Variants in SEZ6L observed in about 807,000 individuals in gnomAD.
SEZ6L encodes the protein seizure related 6 homolog like.
A neutral mutation model predicts 106.2 loss-of-function variants in SEZ6L; 37 were observed. The ratio of observed to expected loss-of-function variants is 0.35; its 90% CI spans 0.27 to 0.46. SEZ6L has a LOEUF of 0.46. Ranked by LOEUF, SEZ6L falls within the 20% of genes least tolerant of loss-of-function variation. SEZ6L has a pLI of 1.00. For synonymous variants in SEZ6L, 541 were observed against 570.4 expected (o/e 0.95, Z 0.73); for missense variants, 1,172 against 1,332.8 (o/e 0.88, Z 1.88).
chr22:26,345,435 G>A (rs1453537736), intron 10 of SEZ6L, among the ~76,000 whole-genome samples: 4 of 152,010 alleles, frequency 2.6e-5, no homozygotes, highest in South Asian at 2.1e-4. Flanking sequence ...ACCTTTCTCC[G>A]TCTCAAAGCA....
intron 13 of SEZ6L, among the ~76,000 whole-genome samples, chr22:26,368,425 A>G (rs916728379): frequency 7.2e-5 from 11 of 152,252 alleles, no homozygotes; most frequent in Non-Finnish European, 1.6e-4. Flanking sequence ...CATTAAAAGG[A>G]ACGAAATACT....
intron 9 of SEZ6L, among the ~76,000 whole-genome samples, chr22:26,329,389 AC>A (rs1202505826): frequency 6.6e-6 from 1 of 151,986 alleles, no homozygotes; most frequent in African/African-American, 2.4e-5. Flanking sequence ...AATAGCTTGA[AC>A]CCAGGAGGCG....
chr22:26,236,292 G>C (rs1202849871), intron 1 of SEZ6L, among the ~76,000 whole-genome samples: 1 of 152,222 alleles, frequency 6.6e-6, no homozygotes, highest in East Asian at 1.9e-4. Context: ...TCCTGGAGCT[G>C]AACAGAGGGG....
chr22:26,182,851 T>G (rs1415845906), intron 1 of SEZ6L, among the ~76,000 whole-genome samples: 8 of 151,922 alleles, frequency 5.3e-5, no homozygotes, highest in Non-Finnish European at 1.2e-4. Context: ...ATAATCAAAT[T>G]TTATCTCAGA....
Position 26,347,750 on chromosome 22 carries a change from A to T in SEZ6L, c.2244A>T (p.Leu748Phe). Reference protein sequence around the residue: ...EVSRNDSCSDLPEIQNGWKTT... With the variant: ...EVSRNDSCSDFPEIQNGWKTT... ...CAAGGAATGACTCCTGCTCGGATTT[A>T]CCCGAGATCCAGAATGGCTGGAAAA... The change falls in exon 11 of 17, where the codon TTA (leucine) becomes TTT (phenylalanine). Residue 748 changes from leucine (L) to phenylalanine (F), a missense_variant. Coordinates refer to ENST00000248933, the MANE Select transcript of SEZ6L (RefSeq NM_021115.5). The T allele has an allele frequency of 6.2e-7, 1 of 1,609,812 alleles. No homozygotes were observed. Among genetic ancestry groups the T allele is most frequent in the Non-Finnish European group, 8.5e-7 (1 of 1,178,496 alleles).
chr22:26,288,994 C>G (rs1213760696), intron 1 of SEZ6L, among the ~76,000 whole-genome samples: 1 of 152,210 alleles, frequency 6.6e-6, no homozygotes, highest in Non-Finnish European at 1.5e-5. Context: ...ACAAATGGCT[C>G]TAAGAATAAT....
intron 1 of SEZ6L, among the ~76,000 whole-genome samples, chr22:26,183,125 C>T (rs546132996): frequency 6.6e-6 from 1 of 152,308 alleles, no homozygotes; most frequent in Admixed American, 6.5e-5. Context: ...TTAGCAGAAC[C>T]TTCAAAGGTG....
intron 13 of SEZ6L, among the ~76,000 whole-genome samples, chr22:26,366,482 C>T (rs546734266): frequency 1.3e-5 from 2 of 151,840 alleles, no homozygotes; most frequent in Admixed American, 6.6e-5. Flanking sequence ...TTGCTTGAGC[C>T]GGGGAGTTTG....
chr22:26,343,136 T>C (rs1444633112), intron 10 of SEZ6L, among the ~76,000 whole-genome samples: 1 of 152,128 alleles, frequency 6.6e-6, no homozygotes, highest in African/African-American at 2.4e-5. Context: ...GGATAACTCA[T>C]GTTGGCTGTC....
intron 1 of SEZ6L, among the ~76,000 whole-genome samples, chr22:26,276,221 G>C (rs543794793): frequency 6.6e-6 from 1 of 152,286 alleles, no homozygotes; most frequent in East Asian, 1.9e-4. Context: ...CCCAACCCTT[G>C]CTTTACCCCA....
chr22:26,347,893 A>G lies in SEZ6L; in HGVS notation c.2387A>G (p.Asp796Gly). ...CAGTGGGACCTCAGCTGGAGCAGCG[A>G]CCCCCCATTTTGTGAGAAAAGTAAG... ...TCQWDLSWSS[D>G]PPFCEKIMYC... The change falls in exon 11 of 17, where the codon GAC (aspartate) becomes GGC (glycine). Residue 796 changes from aspartate to glycine, a missense_variant. Asp to Gly is a moderately conservative substitution (Grantham distance 94). This residue lies in a region of SEZ6L where 534 missense variants were observed against 691.0 expected (regional missense o/e 0.77). Transcript: ENST00000248933. 1 of 1,566,220 alleles carries G rather than the reference A, an allele frequency of 6.4e-7. No individual in the cohort carries two copies. Among genetic ancestry groups the G allele is most frequent in the Non-Finnish European group, 8.6e-7 (1 of 1,163,084 alleles).
intron 5 of SEZ6L, among the ~76,000 whole-genome samples, chr22:26,300,680 T>C (rs1255087101): frequency 6.6e-6 from 1 of 152,204 alleles, no homozygotes; most frequent in Non-Finnish European, 1.5e-5. Flanking sequence ...AGTAATGGGA[T>C]TGCTGGGTCA....
At chr22:26,327,738 C>T (rs1336152747) in intron 9 of SEZ6L, among the ~76,000 whole-genome samples, 1 of 152,168 alleles carries the variant, frequency 6.6e-6, no homozygotes, top group Non-Finnish European at 1.5e-5. Context: ...CACAAACACA[C>T]ATACTGCCAC....
At chr22:26,255,894 T>C (rs1353187611) in intron 1 of SEZ6L, among the ~76,000 whole-genome samples, 1 of 152,186 alleles carries the variant, frequency 6.6e-6, no homozygotes, top group African/African-American at 2.4e-5. Flanking sequence ...CATCATCCCA[T>C]TTAAAATCAT....
Position 26,377,683 on chromosome 22 carries a change from T to C in SEZ6L, c.2953T>C (p.Tyr985His). The C allele has an allele frequency of 6.2e-7, 1 of 1,613,512 alleles. No individual in the cohort carries two copies. The highest frequency in any genetic ancestry group is 8.5e-7 in the Non-Finnish European group (1 of 1,179,514). Reference sequence around the variant, plus strand: ...CTTTCTTTCCCCCAGATGTCGCTACTATTCCAACCTCCGCCTGCCTCTGAT... The same window carrying C: ...CTTTCTTTCCCCCAGATGTCGCTACCATTCCAACCTCCGCCTGCCTCTGAT... ...AYIYITRCRY[Y>H]SNLRLPLMYS... The change falls in exon 16 of 17, where the codon TAT becomes CAT. Residue 985 changes from tyrosine to histidine, a missense_variant. Transcript: ENST00000248933.
intron 1 of SEZ6L, among the ~76,000 whole-genome samples, chr22:26,188,367 G>C (rs1939944050): frequency 6.6e-6 from 1 of 152,182 alleles, no homozygotes; most frequent in Non-Finnish European, 1.5e-5. Context: ...GTGTTGAAAA[G>C]AGCCAAATCA....
At chr22:26,233,151 CT>C (rs2078852665) in intron 1 of SEZ6L, among the ~76,000 whole-genome samples, 2 of 152,346 alleles carry the variant, frequency 1.3e-5, no homozygotes, top group Admixed American at 1.3e-4. Flanking sequence ...CGATTGTTCC[CT>C]TTTTGGAGAT....
At position 26,292,594 on chromosome 22, in the gene SEZ6L, G is replaced by A. The variant is rs748983148; in HGVS notation, c.283G>A (p.Asp95Asn). 1.6e-5 allele frequency: 26 copies of A among 1,613,392 alleles called. No individual in the cohort carries two copies. Among genetic ancestry groups the A allele is most frequent in the East Asian group, 8.9e-5 (4 of 44,844 alleles). Reference sequence around the variant, plus strand: ...TGGGACCGCACCCTCTGCACATCACGACATCCCAGCCCTGTCACCGCTGCT... The same window carrying A: ...TGGGACCGCACCCTCTGCACATCACAACATCCCAGCCCTGTCACCGCTGCT... ...LDGTAPSAHH[D>N]IPALSPLLPE... The change falls in exon 2 of 17, where the codon GAC (aspartate) becomes AAC (asparagine). Residue 95 changes from aspartate (D) to asparagine (N), a missense_variant. By Grantham distance (23) the Asp-to-Asn change is conservative. Around this residue, in one of 4 missense-constraint regions of SEZ6L, gnomAD observed 494 missense variants for 445.8 expected, o/e 1.11. Transcript: ENST00000248933.
At chr22:26,223,114 A>G (rs1311996060) in intron 1 of SEZ6L, among the ~76,000 whole-genome samples, 1 of 152,180 alleles carries the variant, frequency 6.6e-6, no homozygotes, top group Non-Finnish European at 1.5e-5. Flanking sequence ...TAGGAGTTGT[A>G]GCAGCTCACC....
Sources: gnomAD v4.1 joint callset for allele counts (sites outside exome capture counted in the v4.1 genomes callset) on GRCh38, gnomAD v4.1.1 for gene constraint, gnomAD v4.1.1 regional missense constraint, MANE v1.5 for transcripts, NCBI Gene and HGNC (gene_info 2026-07-23, HGNC 2026-07-21) for gene names.